CDV3: variants seen among roughly 807,000 people sequenced by gnomAD.
CDV3 encodes protein CDV3 homolog.
A neutral mutation model predicts 24.5 loss-of-function variants in CDV3; 14 were observed. The ratio of observed to expected loss-of-function variants is 0.57; its 90% confidence interval spans 0.38 to 0.89. The LOEUF (loss-of-function observed/expected upper bound fraction) is 0.89. CDV3 is among the 40% of genes least tolerant of loss of function. The pLI is 0.00. For missense variants in CDV3, 304 were observed against 310.2 expected (o/e 0.98, Z 0.15); for synonymous variants, 114 against 114.1 (o/e 1.00, Z 0.00).
rs966846176 is a variant in CDV3, at chr3:133,588,307, C to T, written c.*261C>T. ...ATATTTACTCTGCAAATACAAAAAA[C>T]CAAAACCTGCAGCCAGTGGTCATTT... On this transcript the variant is annotated 3_prime_UTR_variant, in exon 5 of 5. Transcript: ENST00000264993. The T allele has an allele frequency of 3.9e-6, 6 of 1,537,172 alleles. No individual in the cohort carries two copies. In the African/African-American group the frequency reaches 5.5e-5, roughly 14 times the overall value.
At chr3:133,582,271 C>G (rs961777100) in intron 2 of CDV3, among the ~76,000 whole-genome samples, 3 of 152,198 alleles carry the variant, frequency 2.0e-5, no homozygotes. Flanking sequence ...ATTCTCCTGC[C>G]TCAGCCTCCC....
intron 1 of CDV3, 84 bp from the exon 2 acceptor site, chr3:133,574,955 T>G: frequency 1.1e-6 from 1 of 906,950 alleles, no homozygotes; most frequent in Middle Eastern, 2.2e-4. Flanking sequence ...TTCCAGCCAC[T>G]TGATCCACTT....
At position 133,577,594 on chromosome 3, in the gene CDV3, G is replaced by C. The variant is rs557268894; in HGVS notation, c.317+2479G>C. 7.8e-4 allele frequency among the ~76,000 whole-genome samples: 118 copies of C among 152,026 alleles called. 1 individual carries two copies. Among genetic ancestry groups the C allele is most frequent in the Admixed American group, 2.4e-3 (37 of 15,278 alleles). Reference sequence around the variant, plus strand: ...AGGCTGGTCTCAAACTCCCGACCTCGGGTGATCCACCCACCTCGGCCTTCC... The same window carrying C: ...AGGCTGGTCTCAAACTCCCGACCTCCGGTGATCCACCCACCTCGGCCTTCC... On this transcript the variant is annotated intron_variant, in intron 2 of 4. Coordinates refer to ENST00000264993, the MANE Select transcript of CDV3 (RefSeq NM_017548.5).
chr3:133,578,535 C>T (rs2074902073), intron 2 of CDV3, among the ~76,000 whole-genome samples: 1 of 152,120 alleles, frequency 6.6e-6, no homozygotes, highest in Non-Finnish European at 1.5e-5. Flanking sequence ...ATAAGTCATG[C>T]TGTAATAGAC....
intron 2 of CDV3, among the ~76,000 whole-genome samples, chr3:133,581,021 TA>T (rs551999289): frequency 2.6e-4 from 39 of 148,862 alleles, no homozygotes; most frequent in Non-Finnish European, 4.2e-4. Flanking sequence ...CACTAGACAG[TA>T]AAAAAAAAAC....
chr3:133,582,984 C>A (rs1933200766), intron 2 of CDV3, among the ~76,000 whole-genome samples: 1 of 152,024 alleles, frequency 6.6e-6, no homozygotes, highest in African/African-American at 2.4e-5. Context: ...AAAAGTAATC[C>A]AGCAAAAAGA....
At position 133,574,124 on chromosome 3, in the gene CDV3, G is replaced by T; in HGVS notation, c.80G>T (p.Arg27Leu). 2 of 1,200,928 alleles carry T rather than the reference G, an allele frequency of 1.7e-6. No homozygotes were observed. Among genetic ancestry groups the T allele is most frequent in the Non-Finnish European group, 2.1e-6 (2 of 945,040 alleles). The allele number at this position is 1,200,928 out of a possible 1,614,324, so 74.4% of individuals were successfully genotyped here. A position where few individuals can be genotyped will look rare whatever the true frequency, so the allele number is the denominator to read the frequency against. ...DKKKKKERSN[R>L]AASAAGAAGS... ...AAGAAGAAGAAGGAGCGGAGCAACC[G>T]GGCGGCGAGTGCCGCGGGCGCAGCG... is the stretch of plus-strand genomic sequence containing the variant. Residue 27 changes from arginine to leucine, a missense_variant, in exon 1 of 5, where the codon CGG (arginine) becomes CTG (leucine). By Grantham distance (102) the Arg-to-Leu change is moderately radical (BLOSUM62 -2). Transcript: ENST00000264993.
chr3:133,575,810 C>T (rs2074783170), intron 2 of CDV3, among the ~76,000 whole-genome samples: 1 of 152,106 alleles, frequency 6.6e-6, no homozygotes, highest in African/African-American at 2.4e-5. Flanking sequence ...TTGTCAAGTC[C>T]AGTCTATGGC....
At chr3:133,576,840 G>GTTTTTTTTTT (rs1378596698) in intron 2 of CDV3, among the ~76,000 whole-genome samples, 16 of 26,052 alleles carry the variant, frequency 6.1e-4, no homozygotes, top group Non-Finnish European at 8.1e-4. Context: ...AGGTAGACTA[G>GTTTTTTTTTT]CTTTTTTTTT....
intron 4 of CDV3, chr3:133,587,349 T>A (rs920609196): frequency 1.6e-6 from 2 of 1,245,072 alleles, no homozygotes; most frequent in Non-Finnish European, 2.0e-6. Context: ...AGAGCACAGC[T>A]GGCTTGAATT....
intron 2 of CDV3, among the ~76,000 whole-genome samples, chr3:133,576,819 G>A (rs1428200880): frequency 8.7e-6 from 1 of 115,536 alleles, no homozygotes; most frequent in Non-Finnish European, 1.8e-5. Flanking sequence ...TTTAAGTTCT[G>A]TTCAACCTGA....
At chr3:133,587,592 AAG>A (rs1171405144) in intron 4 of CDV3, 2 of 1,123,968 alleles carry the variant, frequency 1.8e-6, no homozygotes, top group Admixed American at 4.4e-5. Flanking sequence ...TGCTAAAAGT[AAG>A]AGTCTTAGGA....
intron 4 of CDV3, chr3:133,587,170 A>C: frequency 7.4e-7 from 1 of 1,345,222 alleles, no homozygotes; most frequent in Non-Finnish European, 9.9e-7. Flanking sequence ...AGGTACTTAA[A>C]ATGAATGCTA....
chr3:133,583,428 A>G (rs1933264431), intron 2 of CDV3, among the ~76,000 whole-genome samples: 1 of 152,132 alleles, frequency 6.6e-6, no homozygotes, highest in South Asian at 2.1e-4. Flanking sequence ...CCTTCAGCTC[A>G]CCTTCTTCTC....
chr3:133,588,317 C>T lies in CDV3; in HGVS notation c.*271C>T, dbSNP rs563062836. Reference sequence around the variant, plus strand: ...TGCAAATACAAAAAACCAAAACCTGCAGCCAGTGGTCATTTCAAAATCTTT... The same window carrying T: ...TGCAAATACAAAAAACCAAAACCTGTAGCCAGTGGTCATTTCAAAATCTTT... On this transcript the variant is annotated 3_prime_UTR_variant, in exon 5 of 5. Transcript: ENST00000264993. 48 of 1,536,706 alleles carry T rather than the reference C, an allele frequency of 3.1e-5. No individual in the cohort carries two copies. Among genetic ancestry groups the T allele is most frequent in the Non-Finnish European group, 4.1e-5 (47 of 1,146,830 alleles).
At position 133,588,096 on chromosome 3, in the gene CDV3, C is replaced by T. The variant is rs771175320; in HGVS notation, c.*50C>T. 1 of 1,588,418 alleles carries T rather than the reference C, an allele frequency of 6.3e-7. No homozygotes were observed. The highest frequency in any genetic ancestry group is 8.6e-7 in the Non-Finnish European group (1 of 1,168,010). ...GAGGTAACTAGACTGCAGCTAACCACCACCAACAGCCATTCATCATCTGAT... is the reference window on the plus strand; with the variant it reads ...GAGGTAACTAGACTGCAGCTAACCATCACCAACAGCCATTCATCATCTGAT... On this transcript the variant is annotated 3_prime_UTR_variant, in exon 5 of 5. Transcript: ENST00000264993.
intron 2 of CDV3, among the ~76,000 whole-genome samples, chr3:133,583,047 G>T (rs750566298): frequency 2.6e-5 from 4 of 152,164 alleles, no homozygotes; most frequent in African/African-American, 7.2e-5. Flanking sequence ...GTCAATTCAA[G>T]AATAAATTAA....
At chr3:133,581,069 AAT>A (rs1415162365) in intron 2 of CDV3, among the ~76,000 whole-genome samples, 1 of 152,076 alleles carries the variant, frequency 6.6e-6, no homozygotes, top group East Asian at 1.9e-4. Flanking sequence ...CATCAGACCA[AAT>A]AGGAGTTTTT....
At chr3:133,574,345 G>A (rs1023018697) in intron 1 of CDV3, 61 bp downstream of exon 1, 3 of 911,498 alleles carry the variant, frequency 3.3e-6, no homozygotes, top group Non-Finnish European at 3.9e-6. Flanking sequence ...CCATGTGCCC[G>A]CCCCCGCCTG....
Sources: gnomAD v4.1 joint callset for allele counts (sites outside exome capture counted in the v4.1 genomes callset) on GRCh38, gnomAD v4.1.1 for gene constraint, MANE v1.5 for transcripts, NCBI Gene and HGNC (gene_info 2026-07-23, HGNC 2026-07-21) for gene names.